The following COL4A3 variants were observed in gnomAD, a reference collection of about 807,000 sequenced individuals.
The protein encoded by COL4A3 is collagen alpha-3(IV) chain.
A neutral mutation model predicts 217.4 loss-of-function variants in COL4A3; 135 were observed. That is an observed-to-expected ratio of 0.62 (90% CI 0.54 to 0.72). The LOEUF (loss-of-function observed/expected upper bound fraction) is 0.72, where lower values mean the gene tolerates loss of function less well. Ranked by LOEUF, COL4A3 falls within the 30% of genes least tolerant of loss-of-function variation. The pLI is 0.00. For missense variants in COL4A3, 1,868 were observed against 2,119.9 expected (o/e 0.88, Z 2.33); for synonymous variants, 690 against 736.3 (o/e 0.94, Z 1.02).
At chr2:227,204,398 A>G (rs1282333855) in intron 1 of COL4A3, among the ~76,000 whole-genome samples, 2 of 151,162 alleles carry the variant, frequency 1.3e-5, no homozygotes, top group African/African-American at 2.4e-5. Context: ...TGTTCTCACT[A>G]TTTTTTCTTC....
chr2:227,290,982 T>TA (rs748053874), intron 37 of COL4A3, 96 bp downstream of exon 37: 8 of 1,368,022 alleles, frequency 5.8e-6, no homozygotes, highest in Non-Finnish European at 8.1e-6. Context: ...CAGAGAAAAT[T>TA]GAAACTGTTA....
intron 34 of COL4A3, among the ~76,000 whole-genome samples, chr2:227,285,499 G>T (rs1443727583): frequency 6.7e-6 from 1 of 150,096 alleles, no homozygotes; most frequent in Admixed American, 6.7e-5. Context: ...ACTCTGCTAG[G>T]ACTAGTCTAA....
rs553994485 is a variant in COL4A3 at position 227,220,756 on chromosome 2, G to A, written c.88-17212G>A. Among the ~76,000 whole-genome samples the A allele has an allele frequency of 1.6e-3, 241 of 152,290 alleles. 2 individuals carry two copies. Among genetic ancestry groups the A allele is most frequent in the Admixed American group, 9.2e-3 (140 of 15,288 alleles). ...TGGGATTACAGGCATGAGCCACCAT[G>A]CCTGGCCATAAGGCAGTTTTATATG... On this transcript the variant is annotated intron_variant, in intron 1 of 51. Coordinates refer to ENST00000396578, the MANE Select transcript of COL4A3 (RefSeq NM_000091.5).
rs558095698 is a variant in COL4A3 at position 227,208,674 on chromosome 2, G to A, written c.88-29294G>A. Among the ~76,000 whole-genome samples the A allele has an allele frequency of 6.0e-4, 91 of 152,002 alleles. 1 individual carries two copies. The highest frequency in any genetic ancestry group is 2.1e-3 in the African/African-American group (89 of 41,452). On this transcript the variant is annotated intron_variant, in intron 1 of 51. Transcript: ENST00000396578. ...CCGTCTCCTGCACAGCCGGCTCTGC[G>A]TGAATTACTCTTTCTCCATTGCAGT...
At chr2:227,187,462 G>T (rs981491922) in intron 1 of COL4A3, among the ~76,000 whole-genome samples, 3 of 152,126 alleles carry the variant, frequency 2.0e-5, no homozygotes, top group African/African-American at 7.2e-5. Context: ...TCTACAAGCT[G>T]GTGTGCACAT....
At position 227,257,566 on chromosome 2, in the gene COL4A3, G is replaced by A. The variant is rs780863811; in HGVS notation, c.988-37G>A. 4 of 1,576,478 alleles carry A rather than the reference G, an allele frequency of 2.5e-6. No homozygotes were observed. In the African/African-American group the frequency reaches 5.4e-5, roughly 21 times the overall value. On this transcript the variant is annotated intron_variant, in intron 17 of 51. Coordinates refer to ENST00000396578, the MANE Select transcript of COL4A3 (RefSeq NM_000091.5). ...CTTTTTATATGTAAATACTTTGGGT[G>A]ACCATATTCACAATTTGTAAATGTC...
chr2:227,253,998 C>A lies in COL4A3; in HGVS notation c.766-114C>A. 1.0e-6 allele frequency: 1 copy of A among 967,530 alleles called. No homozygotes were observed. Among genetic ancestry groups the A allele is most frequent in the Non-Finnish European group, 1.7e-6 (1 of 597,644 alleles). 59.9% of individuals were successfully genotyped at this position (967,530 alleles called of 1,614,324 possible). The stretch of plus-strand genomic sequence containing the variant: ...TATTGGGTTGTGTTAACACGAGGCA[C>A]ATTCATAGTTTGTAAACCCAGTTTA... On this transcript the variant is annotated intron_variant, in intron 13 of 51. Transcript: ENST00000396578. This position sits in a 1 kb window ranked among gnomAD's most constrained non-coding sequence, Gnocchi z 4.4.
At chr2:227,192,074 C>G (rs1250835198) in intron 1 of COL4A3, among the ~76,000 whole-genome samples, 1 of 152,228 alleles carries the variant, frequency 6.6e-6, no homozygotes, top group Admixed American at 6.5e-5. Context: ...ATTTTTATCT[C>G]TCTGTGCTCA....
chr2:227,247,290 C>A (rs2069406487), intron 7 of COL4A3, among the ~76,000 whole-genome samples: 1 of 152,064 alleles, frequency 6.6e-6, no homozygotes, highest in Admixed American at 6.6e-5. Context: ...TAGCAAGGGA[C>A]AATTCCACGG....
chr2:227,202,650 G>A (rs2066737898), intron 1 of COL4A3, among the ~76,000 whole-genome samples: 1 of 150,502 alleles, frequency 6.6e-6, no homozygotes, highest in African/African-American at 2.4e-5. Flanking sequence ...CAGGAGAATG[G>A]TGTGAACCCG....
intron 1 of COL4A3, among the ~76,000 whole-genome samples, chr2:227,225,541 C>T (rs2068039725): frequency 6.6e-6 from 1 of 152,100 alleles, no homozygotes; most frequent in South Asian, 2.1e-4. Flanking sequence ...GAGTGACCAA[C>T]AAGAGAGAGT....
intron 1 of COL4A3, among the ~76,000 whole-genome samples, chr2:227,234,150 T>C (rs1230927754): frequency 6.6e-6 from 1 of 151,858 alleles, no homozygotes; most frequent in Non-Finnish European, 1.5e-5. Flanking sequence ...TTTGAATGAT[T>C]TGGGGGAAAG....
chr2:227,203,063 ACATATATGTG>A (rs2066840798), intron 1 of COL4A3, among the ~76,000 whole-genome samples: 1 of 50,008 alleles, frequency 2.0e-5, no homozygotes, highest in Non-Finnish European at 3.6e-5. Context: ...GTGTATATAT[ACATATATGTG>A]TATATATGTG....
chr2:227,226,658 C>T (rs56260724), intron 1 of COL4A3, among the ~76,000 whole-genome samples: 35,222 of 151,952 alleles, frequency 0.23, 4,574 homozygotes, highest in Non-Finnish European at 0.3. Context: ...TTAGTAGAGA[C>T]GGGGTTTCCC....
chr2:227,178,868 A>G lies in COL4A3; in HGVS notation c.87+14055A>G, dbSNP rs560602294. ...AGAGACTGATCCAATGATGTTCATC[A>G]AATTAGTAGAGAAAGTGGGCTTATA... On this transcript the variant is annotated intron_variant, in intron 1 of 51. Coordinates refer to ENST00000396578, the MANE Select transcript of COL4A3 (RefSeq NM_000091.5). Among the ~76,000 whole-genome samples the G allele has an allele frequency of 2.5e-4, 38 of 152,108 alleles. No homozygotes were observed. In the South Asian group the frequency reaches 7.5e-3, roughly 30 times the overall value.
intron 1 of COL4A3, among the ~76,000 whole-genome samples, chr2:227,175,100 G>A (rs996543646): frequency 5.3e-5 from 8 of 152,120 alleles, no homozygotes; most frequent in African/African-American, 1.9e-4. Flanking sequence ...AAGCACTGAG[G>A]GATGTGGTCC....
At chr2:227,276,364 A>G (rs758528525) in intron 26 of COL4A3, 21 bp from the exon 27 acceptor site, 1 of 1,585,892 alleles carries the variant, frequency 6.3e-7, no homozygotes, top group African/African-American at 1.3e-5. Flanking sequence ...CCCCAATCTT[A>G]TGACCACAAA....
In COL4A3 at chr2:227,269,920, C is replaced by T. The variant is rs200416402; in HGVS notation, c.1515C>T (p.Gly505=). The T allele has an allele frequency of 1.9e-5, 30 of 1,613,758 alleles. No individual in the cohort carries two copies. The Admixed American group carries it at 2.8e-4, about 15-fold the overall frequency. The change falls in exon 24 of 52, where the codon GGC becomes GGT. Residue 505 remains glycine, a synonymous_variant. Transcript: ENST00000396578. ...TTCGTTGATTTGCAGGAAGACAAGG[C>T]GCAGCTGGCTTGAAAGGAAGCCCAG... ...HGVKGIPGRQ[G]AAGLKGSPGS... is the part of the protein sequence containing the mutation.
chr2:227,181,221 C>T (rs557371982), intron 1 of COL4A3, among the ~76,000 whole-genome samples: 1 of 152,172 alleles, frequency 6.6e-6, no homozygotes. Flanking sequence ...AACTCTTTGA[C>T]ATGTATCTAA....
Sources: gnomAD v4.1 joint callset for allele counts (sites outside exome capture counted in the v4.1 genomes callset) on GRCh38, gnomAD v4.1.1 for gene constraint, Gnocchi (gnomAD v3.1) non-coding constraint, MANE v1.5 for transcripts, NCBI Gene and HGNC (gene_info 2026-07-23, HGNC 2026-07-21) for gene names.